UNC79: variants seen among roughly 807,000 people sequenced by gnomAD.
The protein encoded by UNC79 is protein unc-79 homolog.
Under a neutral mutation model 283.1 loss-of-function variants are expected in UNC79, and 37 were observed. That is an observed-to-expected ratio of 0.13 (90% confidence interval 0.10 to 0.17). The LOEUF (loss-of-function observed/expected upper bound fraction) is 0.17, where lower values mean the gene tolerates loss of function less well. Ranked by LOEUF, UNC79 falls within the 10% of genes least tolerant of loss-of-function variation. The pLI is 1.00. For synonymous variants in UNC79, 1,107 were observed against 1,200.2 expected, an observed-to-expected ratio of 0.92 and a Z score of 1.61; for missense variants, 2,272 against 3,211.1, an observed-to-expected ratio of 0.71 and a Z score of 7.07.
At chr14:93,354,034 C>T (rs2054031533) in intron 1 of UNC79, among the ~76,000 whole-genome samples, 1 of 152,078 alleles carries the variant, frequency 6.6e-6, no homozygotes. Context: ...TGTTTGCTAA[C>T]ATGTTATTTA....
intron 1 of UNC79, chr14:93,334,473 G>A (rs932805243): frequency 1.3e-5 from 2 of 152,198 alleles, no homozygotes; most frequent in Admixed American, 6.5e-5. Context: ...GCATGGAAAA[G>A]TGAGAAAATA....
intron 1 of UNC79, among the ~76,000 whole-genome samples, chr14:93,444,763 AT>A (rs1401379010): frequency 6.6e-6 from 1 of 152,064 alleles, no homozygotes; most frequent in East Asian, 1.9e-4. Flanking sequence ...ATCTATTCTT[AT>A]GTCAATGGCA....
intron 48 of UNC79, among the ~76,000 whole-genome samples, chr14:93,705,201 C>T (rs1039492538): frequency 2.0e-5 from 3 of 151,780 alleles, no homozygotes; most frequent in Non-Finnish European, 2.9e-5. Context: ...CCTGCCACTG[C>T]GCTCCAGCTT....
chr14:93,646,692 G>A (rs747535906), intron 35 of UNC79, 46 bp downstream of exon 38: 2 of 1,602,390 alleles, frequency 1.2e-6, no homozygotes, highest in Admixed American at 3.3e-5. Flanking sequence ...TTTCTCCTCT[G>A]TGCATGTTCA....
At chr14:93,404,493 A>AAAAAATATATATATATATAT in intron 1 of UNC79, among the ~76,000 whole-genome samples, 7 of 61,498 alleles carry the variant, frequency 1.1e-4, no homozygotes, top group East Asian at 8.3e-4. Context: ...TTCTAAAAAA[A>AAAAAATATATATATATATAT]ATATATATAT....
intron 31 of UNC79, among the ~76,000 whole-genome samples, chr14:93,632,885 T>TCTC (rs2068152791): frequency 2.0e-5 from 3 of 151,908 alleles, no homozygotes; most frequent in Non-Finnish European, 2.9e-5. Flanking sequence ...TTTCCACCTT[T>TCTC]CTCCTCCTTG....
At chr14:93,581,326 C>T (rs951095226) in intron 19 of UNC79, among the ~76,000 whole-genome samples, 1 of 151,392 alleles carries the variant, frequency 6.6e-6, no homozygotes, top group African/African-American at 2.4e-5. Flanking sequence ...AGGCATGCCA[C>T]CATGCCTGGA....
intron 7 of UNC79, among the ~76,000 whole-genome samples, chr14:93,507,146 A>G (rs1341507935): frequency 6.6e-6 from 1 of 152,148 alleles, no homozygotes; most frequent in Non-Finnish European, 1.5e-5. Flanking sequence ...CAACCTTCCT[A>G]TTGATGTATA....
chr14:93,684,457 A>C (rs976112825), intron 42 of UNC79, among the ~76,000 whole-genome samples: 5 of 152,256 alleles, frequency 3.3e-5, no homozygotes, highest in Non-Finnish European at 7.3e-5. Context: ...TGTTTAAATA[A>C]AATAAGTTGC....
chr14:93,441,767 T>A (rs1345166383), intron 1 of UNC79, among the ~76,000 whole-genome samples: 2 of 152,294 alleles, frequency 1.3e-5, no homozygotes, highest in East Asian at 3.9e-4. Flanking sequence ...TTGATAATTG[T>A]ATTTTAGCTG....
chr14:93,559,845 G>A (rs1260645780), intron 14 of UNC79, among the ~76,000 whole-genome samples: 1 of 152,042 alleles, frequency 6.6e-6, no homozygotes, highest in Non-Finnish European at 1.5e-5. Flanking sequence ...TGACATTCCT[G>A]TTTTCTTATA....
intron 1 of UNC79, among the ~76,000 whole-genome samples, chr14:93,349,740 G>A (rs1046019418): frequency 1.3e-5 from 2 of 152,018 alleles, no homozygotes; most frequent in African/African-American, 4.8e-5. Context: ...ATCTACCTTC[G>A]CTAAATATTT....
At chr14:93,622,545 G>T in exon 30 of UNC79, 1 of 1,614,036 alleles carries the variant, frequency 6.2e-7, no homozygotes, top group Non-Finnish European at 8.5e-7. Context: ...GGCACTGAGG[G>T]GGAGAAGCCT....
At chr14:93,473,802 A>G (rs1441706496) in intron 2 of UNC79, among the ~76,000 whole-genome samples, 1 of 152,168 alleles carries the variant, frequency 6.6e-6, no homozygotes, top group Non-Finnish European at 1.5e-5. Context: ...TAAACTGTAA[A>G]ACATGGGTTT....
At chr14:93,534,993 C>G (rs1284988302) in intron 11 of UNC79, among the ~76,000 whole-genome samples, 1 of 152,144 alleles carries the variant, frequency 6.6e-6, no homozygotes, top group East Asian at 1.9e-4. Context: ...CCTCTTTGTA[C>G]TGCATATTCC....
chr14:93,682,026 A>G (rs1472624313), intron 41 of UNC79, among the ~76,000 whole-genome samples: 1 of 152,204 alleles, frequency 6.6e-6, no homozygotes, highest in Admixed American at 6.5e-5. Flanking sequence ...AAATGGACCC[A>G]TAAGTCACTG....
At chr14:93,693,681 C>T (rs954633109) in intron 46 of UNC79, among the ~76,000 whole-genome samples, 5 of 151,928 alleles carry the variant, frequency 3.3e-5, no homozygotes, top group Admixed American at 2.0e-4. Flanking sequence ...CAGTTATTGC[C>T]GATGAAGACA....
chr14:93,443,051 C>G (rs1031883998), intron 1 of UNC79, among the ~76,000 whole-genome samples: 2 of 152,050 alleles, frequency 1.3e-5, no homozygotes, highest in African/African-American at 4.8e-5. Flanking sequence ...TGGCAAAACC[C>G]TATCTCTACT....
At chr14:93,706,107 A>G (rs1213836743) in intron 48 of UNC79, among the ~76,000 whole-genome samples, 5 of 152,190 alleles carry the variant, frequency 3.3e-5, no homozygotes, top group African/African-American at 9.6e-5. Flanking sequence ...GCGATTGCCC[A>G]GATGGCCAGG....
Sources: allele counts gnomAD v4.1 joint callset (sites outside exome capture counted in the v4.1 genomes callset), GRCh38; gene constraint gnomAD v4.1.1; transcripts MANE v1.5; gene names NCBI Gene and HGNC (gene_info 2026-07-23, HGNC 2026-07-21).